Variants in IMMT observed in about 807,000 individuals in gnomAD.
The protein encoded by IMMT is MICOS complex subunit MIC60.
In IMMT, 40 loss-of-function variants were observed where a neutral mutation model predicts 92.7. The observed-to-expected ratio is 0.43, with a 90% CI of 0.34 to 0.56. The LOEUF is 0.56. Ranked by LOEUF, IMMT falls within the 20% of genes least tolerant of loss-of-function variation. The pLI is 0.03. For missense variants in IMMT, 831 were observed against 912.1 expected (o/e 0.91, Z 1.14); for synonymous variants, 322 against 336.1 (o/e 0.96, Z 0.46).
intron 1 of IMMT, among the ~76,000 whole-genome samples, chr2:86,183,788 T>TTA (rs1383571758): frequency 6.6e-6 from 1 of 152,202 alleles, no homozygotes; most frequent in African/African-American, 2.4e-5. Context: ...CAATTCTCTA[T>TTA]TAAAGTTCAA....
At chr2:86,165,645 A>G (rs7561888) in intron 7 of IMMT, among the ~76,000 whole-genome samples, 3,349 of 152,326 alleles carry the variant, frequency 0.022, 57 homozygotes, top group South Asian at 0.046. Context: ...ATAGAGATAC[A>G]TTTATACATA....
intron 12 of IMMT, among the ~76,000 whole-genome samples, chr2:86,148,896 G>A (rs543267769): frequency 6.6e-6 from 1 of 152,202 alleles, no homozygotes; most frequent in South Asian, 2.1e-4. Flanking sequence ...AGTGCTACTA[G>A]CCCTGTGTGC....
intron 10 of IMMT, among the ~76,000 whole-genome samples, chr2:86,158,047 C>T (rs1002146501): frequency 3.3e-5 from 5 of 152,160 alleles, no homozygotes; most frequent in South Asian, 2.1e-4. Context: ...ACTATAGCTA[C>T]ACCATGTAAC....
intron 1 of IMMT, among the ~76,000 whole-genome samples, chr2:86,184,763 C>T (rs1210231289): frequency 6.6e-6 from 1 of 151,816 alleles, no homozygotes; most frequent in Non-Finnish European, 1.5e-5. Flanking sequence ...ATTTTGGAAC[C>T]TGGAGGAAAA....
intron 12 of IMMT, among the ~76,000 whole-genome samples, chr2:86,149,895 AAAAG>A (rs1250609967): frequency 2.1e-4 from 31 of 148,962 alleles, no homozygotes; most frequent in South Asian, 6.3e-4. Context: ...AAAAAAAAAA[AAAAG>A]AAAGAAAAAG....
At chr2:86,169,660 A>G (rs1269191120) in intron 6 of IMMT, among the ~76,000 whole-genome samples, 1 of 148,914 alleles carries the variant, frequency 6.7e-6, no homozygotes, top group Non-Finnish European at 1.5e-5. Context: ...GTGCTTTAAG[A>G]CAGAAAAATA....
chr2:86,173,858 T>A, intron 3 of IMMT, 97 bp from the exon 4 acceptor site: 1 of 654,314 alleles, frequency 1.5e-6, no homozygotes, highest in Non-Finnish European at 2.6e-6. Flanking sequence ...CTTTCAGGCT[T>A]TTAACATAAA....
At chr2:86,170,886 A>G (rs1390511984) in intron 5 of IMMT, 42 bp from the exon 6 acceptor site, 2 of 1,431,456 alleles carry the variant, frequency 1.4e-6, no homozygotes, top group East Asian at 2.5e-5. Flanking sequence ...ATTTCAGCAT[A>G]GAATTTTAAT....
chr2:86,164,859 C>A (rs1291267287), intron 7 of IMMT, among the ~76,000 whole-genome samples: 4 of 152,126 alleles, frequency 2.6e-5, no homozygotes, highest in African/African-American at 9.7e-5. Flanking sequence ...GTAACAGACA[C>A]AGATTCCCCT....
rs771706844 is a variant in IMMT, at chr2:86,144,517, C to T, written c.2028G>A (p.Pro676=). The T allele has an allele frequency of 6.8e-6, 11 of 1,613,910 alleles. No homozygotes were observed. Among genetic ancestry groups the T allele is most frequent in the East Asian group, 2.2e-5 (1 of 44,880 alleles). ...TATCCTCAGGGCAGAGCTCTGGGGG[C>T]GGCTTCAGTTGCTGAGGTGGGAATA... ...LLLFPPQQLK[P]PPELCPEDIN... is the part of the protein sequence containing the mutation. The change falls in exon 15 of 15, where the codon CCG becomes CCA. Residue 676 remains proline (P), a synonymous_variant. Coordinates refer to ENST00000410111, the MANE Select transcript of IMMT (RefSeq NM_006839.3).
intron 1 of IMMT, among the ~76,000 whole-genome samples, chr2:86,192,169 A>C (rs1203824772): frequency 6.6e-6 from 1 of 152,146 alleles, no homozygotes; most frequent in Non-Finnish European, 1.5e-5. Context: ...GGAGATTGAG[A>C]CTGCAATGAG....
In IMMT at chr2:86,156,804, T is replaced by A. The variant is rs1472682567; in HGVS notation, c.1162+1788A>T. ...CTGCCCTGTCAACCTAATTTCATTT[T>A]ATTTGAGCCACTGGAGACTCCCTAC... On this transcript the variant is annotated intron_variant, in intron 10 of 14. Transcript: ENST00000410111. Among the ~76,000 whole-genome samples, 6 of 152,300 alleles carry A rather than the reference T, an allele frequency of 3.9e-5. 1 individual carries two copies. Among genetic ancestry groups the A allele is most frequent in the Admixed American group, 3.9e-4 (6 of 15,294 alleles).
At chr2:86,159,720 T>C (rs760350051) in intron 8 of IMMT, 49 bp from the exon 9 acceptor site, 1 of 1,479,226 alleles carries the variant, frequency 6.8e-7, no homozygotes, top group South Asian at 1.5e-5. Flanking sequence ...GTCAACTGTA[T>C]TAAAAAGTTT....
At chr2:86,151,204 C>G (rs1675448517) in intron 12 of IMMT, 93 bp downstream of exon 12, 6 of 1,100,454 alleles carry the variant, frequency 5.5e-6, no homozygotes, top group Non-Finnish European at 8.0e-6. Flanking sequence ...AGGCATGAAC[C>G]ACTGCACCCG....
chr2:86,157,898 AAC>A (rs1675977325), intron 10 of IMMT, among the ~76,000 whole-genome samples: 1 of 151,916 alleles, frequency 6.6e-6, no homozygotes, highest in Non-Finnish European at 1.5e-5. Flanking sequence ...GGATCGCTTC[AAC>A]CCGGGAGGTG....
At chr2:86,161,658 C>T (rs1292071938) in intron 8 of IMMT, among the ~76,000 whole-genome samples, 3 of 151,708 alleles carry the variant, frequency 2.0e-5, no homozygotes, top group African/African-American at 4.8e-5. Flanking sequence ...GGACTACAGG[C>T]GCCCGCCACC....
intron 6 of IMMT, among the ~76,000 whole-genome samples, chr2:86,169,616 ATAT>A (rs1676949855): frequency 6.6e-6 from 1 of 152,226 alleles, no homozygotes; most frequent in Admixed American, 6.5e-5. Flanking sequence ...AGACATCAAC[ATAT>A]TATAGCACAG....
chr2:86,161,979 G>A lies in IMMT; in HGVS notation c.893C>T (p.Ala298Val). The A allele has an allele frequency of 6.3e-7, 1 of 1,587,076 alleles. No individual in the cohort carries two copies. The highest frequency in any genetic ancestry group is 1.3e-5 in the African/African-American group (1 of 74,484). The change falls in exon 8 of 15, where the codon GCC (alanine) becomes GTC (valine). Residue 298 changes from alanine to valine, a missense_variant. Transcript: ENST00000410111. ...VDEAADALLK[A>V]KEELEKMKSV... ...GTTAAAGTCCATGAGTAATTACTTG[G>A]CTTTGAGAAGGGCATCGGCAGCTTC...
At chr2:86,179,286 T>C in intron 3 of IMMT, 147 bp downstream of exon 3, 1 of 623,346 alleles carries the variant, frequency 1.6e-6, no homozygotes, top group Non-Finnish European at 2.7e-6. Context: ...TATCTGAGAC[T>C]TGAGCATCCA....
Sources: gnomAD v4.1 joint callset for allele counts (sites outside exome capture counted in the v4.1 genomes callset) on GRCh38, gnomAD v4.1.1 for gene constraint, MANE v1.5 for transcripts, NCBI Gene and HGNC (gene_info 2026-07-23, HGNC 2026-07-21) for gene names.